The following SGPL1 variants were observed in gnomAD, a reference collection of about 807,000 sequenced individuals.
The protein encoded by SGPL1 is SP-lyase 1.
SGPL1 carries 37 observed loss-of-function variants against 68.9 expected under a neutral mutation model. The ratio of observed to expected loss-of-function variants is 0.54; its 90% CI spans 0.41 to 0.71. The LOEUF is 0.71. SGPL1 is among the 30% of genes least tolerant of loss of function. SGPL1 has a pLI of 0.00. For synonymous variants in SGPL1, 236 were observed against 248.5 expected (o/e 0.95, Z 0.47); for missense variants, 551 against 704.6 (o/e 0.78, Z 2.47).
At chr10:70,874,957 C>T (rs1236579407) in intron 12 of SGPL1, among the ~76,000 whole-genome samples, 1 of 152,106 alleles carries the variant, frequency 6.6e-6, no homozygotes, top group East Asian at 1.9e-4. Flanking sequence ...AAAGGTCCTC[C>T]TATAGCTCTG....
intron 3 of SGPL1, among the ~76,000 whole-genome samples, chr10:70,847,434 C>T (rs1351828283): frequency 6.6e-6 from 1 of 152,136 alleles, no homozygotes; most frequent in East Asian, 1.9e-4. Context: ...CAGGCCTGAG[C>T]CACCATGCCC....
intron 8 of SGPL1, 27 bp downstream of exon 8, chr10:70,868,460 C>T (rs763205402): frequency 1.8e-5 from 29 of 1,580,516 alleles, no homozygotes; most frequent in Non-Finnish European, 2.2e-5. Context: ...GTTTTGTCCC[C>T]TTTTGGATTT....
In SGPL1 at chr10:70,871,834, A is replaced by G. The variant is rs765809506; in HGVS notation, c.910-3A>G. On this transcript the variant is annotated splice_region_variant and splice_polypyrimidine_tract_variant and intron_variant, in intron 10 of 14. Coordinates refer to ENST00000373202, the MANE Select transcript of SGPL1 (RefSeq NM_003901.4). ...TCTTATGTTCTTTGTTTTTTGGAAC[A>G]AGCTGGCTGTCAAATACAAAATACC... 3.3e-5 allele frequency: 54 copies of G among 1,612,022 alleles called. No individual in the cohort carries two copies. Among genetic ancestry groups the G allele is most frequent in the Non-Finnish European group, 4.5e-5 (53 of 1,179,418 alleles).
At chr10:70,858,337 T>TCAC (rs1845997235) in intron 6 of SGPL1, among the ~76,000 whole-genome samples, 2 of 152,032 alleles carry the variant, frequency 1.3e-5, no homozygotes, top group Admixed American at 6.6e-5. Context: ...GGGGTCTCAC[T>TCAC]CTGTTGCCCA....
chr10:70,855,625 A>T (rs191842454), intron 5 of SGPL1, among the ~76,000 whole-genome samples: 5 of 152,366 alleles, frequency 3.3e-5, no homozygotes, highest in African/African-American at 1.2e-4. Flanking sequence ...GGCATATAGT[A>T]AGGATTCAGT....
chr10:70,871,857 AC>A lies in SGPL1; in HGVS notation c.934del (p.Leu312PhefsTer30), dbSNP rs1131692235. 6.2e-7 allele frequency: 1 copy of A among 1,613,876 alleles called. No homozygotes were observed. The highest frequency in any genetic ancestry group is 1.3e-5 in the African/African-American group (1 of 74,996). On this transcript the variant is annotated frameshift_variant, in exon 11 of 15. Transcript: ENST00000373202. LOFTEE classifies it high-confidence loss of function. Reference sequence around the variant, plus strand: ...ACAAGCTGGCTGTCAAATACAAAATACCCCTTCATGTCGACGCTTGTCTGGG... The same window carrying A: ...ACAAGCTGGCTGTCAAATACAAAATACCCTTCATGTCGACGCTTGTCTGGG... ...VAKLAVKYKI[P>X]LHVDACLGGF...
chr10:70,830,017 G>C (rs1043171741), intron 2 of SGPL1, among the ~76,000 whole-genome samples: 3 of 152,122 alleles, frequency 2.0e-5, no homozygotes, highest in African/African-American at 7.2e-5. Context: ...TTCATTTGGA[G>C]TCCAGAGCTT....
chr10:70,875,267 T>C lies in SGPL1; in HGVS notation c.1299-135T>C, dbSNP rs569497178. The stretch of plus-strand genomic sequence containing the variant: ...GTGTAGCCCTCTTCTTTTTTGAAGA[T>C]GAGAAGACTAAAGCCCAAAGGGTTA... On this transcript the variant is annotated intron_variant, in intron 12 of 14. Coordinates refer to ENST00000373202, the MANE Select transcript of SGPL1 (RefSeq NM_003901.4). The C allele has an allele frequency of 4.0e-4, 243 of 604,352 alleles. 2 individuals carry two copies. Among genetic ancestry groups the C allele is most frequent in the Non-Finnish European group, 6.2e-4 (212 of 341,832 alleles). 37.4% of individuals were successfully genotyped at this position (604,352 alleles called of 1,614,324 possible).
At position 70,819,093 on chromosome 10, in the gene SGPL1, G is replaced by A. The variant is rs1046039868; in HGVS notation, c.27+2213G>A. The stretch of plus-strand genomic sequence containing the variant: ...TATGTAAGATATTTCCCCATGCACA[G>A]AGATATGGTTATTACTTATAGGGCC... On this transcript the variant is annotated intron_variant, in intron 2 of 14. Transcript: ENST00000373202. 3.3e-5 allele frequency among the ~76,000 whole-genome samples: 5 copies of A among 152,342 alleles called. No individual in the cohort carries two copies. The South Asian group carries it at 8.3e-4, about 25-fold the overall frequency.
chr10:70,845,779 CTT>C lies in SGPL1; in HGVS notation c.193+1142_193+1143del, dbSNP rs1383127547. Among the ~76,000 whole-genome samples the C allele has an allele frequency of 1.1e-4, 16 of 152,176 alleles. No individual in the cohort carries two copies. In the East Asian group the frequency reaches 2.1e-3, roughly 20 times the overall value. On this transcript the variant is annotated intron_variant, in intron 3 of 14. Coordinates refer to ENST00000373202, the MANE Select transcript of SGPL1 (RefSeq NM_003901.4). Reference sequence around the variant, plus strand: ...CACTCCCCTGCACCTTTTCCCCACTCTTAGTAGGGTATGGGAGTTAACTTCCT... The same window carrying C: ...CACTCCCCTGCACCTTTTCCCCACTCAGTAGGGTATGGGAGTTAACTTCCT...
chr10:70,842,021 T>G (rs1845723869), intron 2 of SGPL1, among the ~76,000 whole-genome samples: 1 of 152,136 alleles, frequency 6.6e-6, no homozygotes. Context: ...TTGTTTTGTT[T>G]TATTGCTGTT....
chr10:70,860,411 T>C (rs1480432933), intron 7 of SGPL1: 1 of 469,786 alleles, frequency 2.1e-6, no homozygotes, highest in Non-Finnish European at 4.4e-6. Context: ...GTTTTTGTTT[T>C]GTTTTTCTAA....
intron 4 of SGPL1, among the ~76,000 whole-genome samples, chr10:70,852,706 A>ATGTGTG (rs35491906): frequency 0.012 from 1,794 of 145,934 alleles, 16 homozygotes; most frequent in African/African-American, 0.025. Flanking sequence ...ACATGTGTGT[A>ATGTGTG]TGTGTGTGTG....
At chr10:70,857,814 A>G (rs1316867508) in intron 6 of SGPL1, 124 bp downstream of exon 6, 1 of 559,618 alleles carries the variant, frequency 1.8e-6, no homozygotes, top group African/African-American at 1.9e-5. Context: ...CAATAAAACC[A>G]TAAAAGTTTC....
intron 2 of SGPL1, 121 bp downstream of exon 2, chr10:70,817,001 C>T: frequency 1.0e-6 from 1 of 996,492 alleles, no homozygotes; most frequent in East Asian, 2.4e-5. Flanking sequence ...AGCGTTTTGC[C>T]ACCTTTTATT....
rs1845877974 is a variant in SGPL1, at chr10:70,851,359, G to A, written c.261+149G>A. ...TTGGCAGCATTTGGAGACATTTTTG[G>A]TGGTCACAGCTTGGATGGAGGGGTG... On this transcript the variant is annotated intron_variant, in intron 4 of 14. Transcript: ENST00000373202. The A allele has an allele frequency of 5.3e-5, 36 of 682,418 alleles. 1 individual carries two copies. The South Asian group carries it at 6.2e-4, about 12-fold the overall frequency. The allele number at this position is 682,418 out of a possible 1,614,324, so 42.3% of individuals were successfully genotyped here. A position where few individuals can be genotyped will look rare whatever the true frequency, so the allele number is the denominator to read the frequency against.
At chr10:70,869,225 T>TACCCGTGACC (rs1421840056) in intron 8 of SGPL1, 1 of 152,338 alleles carries the variant, frequency 6.6e-6, no homozygotes, top group African/African-American at 2.4e-5. Flanking sequence ...CTAAAGCAAA[T>TACCCGTGACC]ACCCGTGACC....
rs1373246618 is a variant in SGPL1, at chr10:70,857,189, TG to T, written c.410-424del. On this transcript the variant is annotated intron_variant, in intron 5 of 14. Transcript: ENST00000373202. ...TCATTTTGCTTTCTTCTGCCAACTC[TG>T]CTCATAATAGTTCTCAAAATTCCTA... 1.7e-5 allele frequency: 3 copies of T among 174,900 alleles called. No individual in the cohort carries two copies. In the South Asian group the frequency reaches 3.7e-4, roughly 22 times the overall value. 10.8% of individuals were successfully genotyped at this position (174,900 alleles called of 1,614,324 possible).
At chr10:70,864,752 G>C (rs534881617) in intron 7 of SGPL1, among the ~76,000 whole-genome samples, 6 of 152,144 alleles carry the variant, frequency 3.9e-5, no homozygotes, top group Non-Finnish European at 7.4e-5. Context: ...CTCTCATCTT[G>C]GGGTGGCATT....
Sources: allele counts gnomAD v4.1 joint callset (sites outside exome capture counted in the v4.1 genomes callset), GRCh38; gene constraint gnomAD v4.1.1; transcripts MANE v1.5; gene names NCBI Gene and HGNC (gene_info 2026-07-23, HGNC 2026-07-21).